Variants in SPHK2 observed in about 807,000 individuals in gnomAD.
The protein encoded by SPHK2 is sphingosine kinase 2.
Under a neutral mutation model 32.3 loss-of-function variants are expected in SPHK2, and 18 were observed. The ratio of observed to expected loss-of-function variants is 0.56; its 90% CI spans 0.39 to 0.83. SPHK2 has a LOEUF of 0.83. Among genes scored for constraint, SPHK2 ranks in the 40% least tolerant of loss-of-function variants. The pLI is 0.00. For missense variants in SPHK2, 850 were observed against 908.7 expected, an observed-to-expected ratio of 0.94 and a Z score of 0.83; for synonymous variants, 462 against 417.6, an observed-to-expected ratio of 1.11 and a Z score of -1.30.
chr19:48,623,590 C>T lies in SPHK2; in HGVS notation c.40-2301C>T, dbSNP rs561676668. Among the ~76,000 whole-genome samples the T allele has an allele frequency of 1.6e-4, 24 of 152,326 alleles. No individual in the cohort carries two copies. In the South Asian group the frequency reaches 5.0e-3, roughly 32 times the overall value. ...CTGGGCTTCCAATATTCTCTCCCTC[C>T]CTCACCTTTGACCTAGAGATACTGT... On this transcript the variant is annotated intron_variant, in intron 2 of 6. Coordinates refer to ENST00000245222, the MANE Select transcript of SPHK2 (RefSeq NM_020126.5).
At position 48,629,787 on chromosome 19, in the gene SPHK2, T is replaced by G. The variant is rs760479656; in HGVS notation, c.*14T>G. On this transcript the variant is annotated 3_prime_UTR_variant, in exon 7 of 7. Transcript: ENST00000245222. Reference sequence around the variant, plus strand: ...CGGGAGCCCTGAAACTAAACAAGCTTGGTACCCGCCGGGGGCGGGGCCTAC... The same window carrying G: ...CGGGAGCCCTGAAACTAAACAAGCTGGGTACCCGCCGGGGGCGGGGCCTAC... 3.2e-6 allele frequency: 5 copies of G among 1,546,306 alleles called. No individual in the cohort carries two copies. The highest frequency in any genetic ancestry group is 4.5e-5 in the East Asian group (2 of 44,086).
intron 2 of SPHK2, 37 bp downstream of exon 2, chr19:48,620,590 T>C (rs1351609263): frequency 5.9e-6 from 9 of 1,522,452 alleles, no homozygotes; most frequent in Non-Finnish European, 8.0e-6. Flanking sequence ...CCTCATACTG[T>C]GGAAAGACAA....
rs754224418 is a variant in SPHK2, at chr19:48,628,116, T to G, written c.757-46T>G. The G allele has an allele frequency of 6.9e-6, 11 of 1,593,708 alleles. No homozygotes were observed. The highest frequency in any genetic ancestry group is 6.7e-5 in the South Asian group (6 of 89,226). Reference sequence around the variant, plus strand: ...CCTAGCCCTGGGCCCTGGGGGACTATAGAGACTGCCACCAGGACCCAGGCT... The same window carrying G: ...CCTAGCCCTGGGCCCTGGGGGACTAGAGAGACTGCCACCAGGACCCAGGCT... On this transcript the variant is annotated intron_variant, in intron 5 of 6. Coordinates refer to ENST00000245222, the MANE Select transcript of SPHK2 (RefSeq NM_020126.5). The surrounding 1 kb of genome is among the most constrained non-coding windows in gnomAD (Gnocchi z 5.2).
intron 2 of SPHK2, among the ~76,000 whole-genome samples, chr19:48,622,555 T>G (rs1974447757): frequency 6.6e-6 from 1 of 151,938 alleles, no homozygotes; most frequent in African/African-American, 2.4e-5. Flanking sequence ...AATCTCAGCT[T>G]CTTTGCCCAG....
chr19:48,629,220 T>C lies in SPHK2; in HGVS notation c.1412T>C (p.Leu471Pro). ...GDAPLSPDPLLSSPPGSPKAA... is the reference protein window; with the variant it reads ...GDAPLSPDPLPSSPPGSPKAA... ...GCTCCGCTGTCCCCGGACCCACTGC[T>C]GTCTTCACCTCCTGGCTCTCCCAAG... The change falls in exon 7 of 7, where the codon CTG becomes CCG. Residue 471 changes from leucine (L) to proline (P), a missense_variant. Transcript: ENST00000245222. 6.2e-7 allele frequency: 1 copy of C among 1,613,640 alleles called. No homozygotes were observed. Among genetic ancestry groups the C allele is most frequent in the Non-Finnish European group, 8.5e-7 (1 of 1,179,966 alleles).
Position 48,630,091 on chromosome 19 carries a change from G to C in SPHK2, c.*318G>C, listed in dbSNP as rs569587860. The stretch of plus-strand genomic sequence containing the variant: ...GCTCCTACCCGGCCAGGATGGCTGA[G>C]GGCGGAGTCTATTTTACGCGTCGCC... On this transcript the variant is annotated 3_prime_UTR_variant, in exon 7 of 7. Transcript: ENST00000245222. The surrounding 1 kb of genome is among the most constrained non-coding windows in gnomAD (Gnocchi z 4.9). The C allele has an allele frequency of 8.1e-5, 104 of 1,277,026 alleles. No individual in the cohort carries two copies. In the South Asian group the frequency reaches 2.6e-3, roughly 32 times the overall value. 79.1% of individuals were successfully genotyped at this position (1,277,026 alleles called of 1,614,324 possible).
chr19:48,629,550 T>C lies in SPHK2; in HGVS notation c.1742T>C (p.Leu581Pro). 6.2e-7 allele frequency: 1 copy of C among 1,603,532 alleles called. No individual in the cohort carries two copies. Among genetic ancestry groups the C allele is most frequent in the Non-Finnish European group, 8.5e-7 (1 of 1,175,976 alleles). ...VRSGISRAAL[L>P]RLFLAMERGS... ...AGCGGCATCTCGCGGGCTGCGCTGC[T>C]GCGCCTTTTCTTGGCCATGGAGCGT... Residue 581 changes from leucine (L) to proline (P), a missense_variant, in exon 7 of 7, where the codon CTG becomes CCG. By Grantham distance (98) the Leu-to-Pro change is moderately conservative. Coordinates refer to ENST00000245222, the MANE Select transcript of SPHK2 (RefSeq NM_020126.5).
chr19:48,621,936 G>T (rs1465422566), intron 2 of SPHK2, among the ~76,000 whole-genome samples: 2 of 152,122 alleles, frequency 1.3e-5, no homozygotes, highest in African/African-American at 2.4e-5. Context: ...GCCACAAACA[G>T]AAAAACAGGC....
chr19:48,626,469 T>C, intron 3 of SPHK2, 107 bp downstream of exon 3: 1 of 1,352,646 alleles, frequency 7.4e-7, no homozygotes, highest in Middle Eastern at 2.5e-4. Flanking sequence ...GGGTGATGTA[T>C]CTCTCTGGAT....
rs1166690561 is a variant in SPHK2 at position 48,628,456 on chromosome 19, A to G, written c.872+179A>G. The G allele has an allele frequency of 1.1e-6, 1 of 902,688 alleles. No individual in the cohort carries two copies. The highest frequency in any genetic ancestry group is 1.8e-6 in the Non-Finnish European group (1 of 544,746). The allele number at this position is 902,688 out of a possible 1,614,324, so 55.9% of individuals were successfully genotyped here. A position where few individuals can be genotyped will look rare whatever the true frequency, so the allele number is the denominator to read the frequency against. On this transcript the variant is annotated intron_variant, in intron 6 of 6. Transcript: ENST00000245222. This position sits in a 1 kb window ranked among gnomAD's most constrained non-coding sequence, Gnocchi z 5.2. ...CTTCCCAGCTGTATCCCGAGCGCCC[A>G]GAACTCTGCCTGGCATGGGAGGCAC...
In SPHK2 at chr19:48,625,961, T is replaced by C; in HGVS notation, c.110T>C (p.Met37Thr). Residue 37 changes from methionine (M) to threonine (T), a missense_variant, in exon 3 of 7, where the codon ATG (methionine) becomes ACG (threonine). This residue lies in a region of SPHK2 where 544 missense variants were observed against 640.0 expected (regional missense o/e 0.85). Coordinates refer to ENST00000245222, the MANE Select transcript of SPHK2 (RefSeq NM_020126.5). ...PRSTLVRAKA[M>T]APPPPPLAAS... ...AGCACCCTGGTCAGGGCTAAGGCCATGGCCCCGCCCCCACCGCCACTGGCT... is the reference window on the plus strand; with the variant it reads ...AGCACCCTGGTCAGGGCTAAGGCCACGGCCCCGCCCCCACCGCCACTGGCT... 3 of 1,612,530 alleles carry C rather than the reference T, an allele frequency of 1.9e-6. No homozygotes were observed. Among genetic ancestry groups the C allele is most frequent in the Non-Finnish European group, 2.5e-6 (3 of 1,179,742 alleles).
rs1223395429 is a variant in SPHK2, at chr19:48,629,380, C to T, written c.1572C>T (p.Gly524=). The T allele has an allele frequency of 1.2e-6, 2 of 1,611,708 alleles. No individual in the cohort carries two copies. Among genetic ancestry groups the T allele is most frequent in the African/African-American group, 2.7e-5 (2 of 74,928 alleles). The change falls in exon 7 of 7, where the codon GGC becomes GGT. Residue 524 remains glycine, a synonymous_variant. Coordinates refer to ENST00000245222, the MANE Select transcript of SPHK2 (RefSeq NM_020126.5). The part of the protein sequence containing the change: ...GPPDHLLPPL[G]TPLPPDWVTL... Reference sequence around the variant, plus strand: ...CCGACCACCTGCTGCCTCCGCTGGGCACCCCGCTGCCCCCAGACTGGGTGA... The same window carrying T: ...CCGACCACCTGCTGCCTCCGCTGGGTACCCCGCTGCCCCCAGACTGGGTGA...
intron 2 of SPHK2, among the ~76,000 whole-genome samples, chr19:48,622,125 C>T (rs929206276): frequency 1.3e-5 from 2 of 152,014 alleles, no homozygotes; most frequent in Non-Finnish European, 2.9e-5. Context: ...GGCATGGTGG[C>T]GCGCGCCTGT....
intron 2 of SPHK2, among the ~76,000 whole-genome samples, chr19:48,622,273 TAAA>T (rs796524993): frequency 3.2e-4 from 31 of 97,714 alleles, no homozygotes; most frequent in African/African-American, 1.5e-3. Flanking sequence ...AAAAAAAAAA[TAAA>T]AAAAAATAAA....
At position 48,630,390 on chromosome 19, in the gene SPHK2, C is replaced by G. The variant is rs1032393740; in HGVS notation, c.*617C>G. The G allele has an allele frequency of 4.4e-6, 6 of 1,378,170 alleles. No homozygotes were observed. The Admixed American group carries it at 2.0e-4, about 46-fold the overall frequency. 85.4% of individuals were successfully genotyped at this position (1,378,170 alleles called of 1,614,324 possible). A position where few individuals can be genotyped will look rare whatever the true frequency, so the allele number is the denominator to read the frequency against. ...AAAAGGTCTATGCAATAAAGGCAGT[C>G]GCTTCATTCCTCTCAGACCTTCTGC... On this transcript the variant is annotated 3_prime_UTR_variant, in exon 7 of 7. Coordinates refer to ENST00000245222, the MANE Select transcript of SPHK2 (RefSeq NM_020126.5). The surrounding 1 kb of genome is among the most constrained non-coding windows in gnomAD (Gnocchi z 4.9).
In SPHK2 at chr19:48,625,949, G is replaced by C; in HGVS notation, c.98G>C (p.Arg33Thr). The C allele has an allele frequency of 6.2e-7, 1 of 1,612,394 alleles. No individual in the cohort carries two copies. Among genetic ancestry groups the C allele is most frequent in the African/African-American group, 1.3e-5 (1 of 75,064 alleles). Residue 33 changes from arginine to threonine, a missense_variant, in exon 3 of 7, where the codon AGG becomes ACG. Physicochemically the swap from Arg to Thr is moderately conservative, Grantham distance 71. Transcript: ENST00000245222. ...CACGGGCCTAGGAGCACCCTGGTCA[G>C]GGCTAAGGCCATGGCCCCGCCCCCA... ...WGHGPRSTLV[R>T]AKAMAPPPPP... is the part of the protein sequence containing the mutation.
Position 48,628,951 on chromosome 19 carries a change from C to T in SPHK2, c.1143C>T (p.Ala381=). The T allele has an allele frequency of 1.9e-6, 3 of 1,613,666 alleles. No homozygotes were observed. The highest frequency in any genetic ancestry group is 2.5e-6 in the Non-Finnish European group (3 of 1,180,002). The change falls in exon 7 of 7, where the codon GCC becomes GCT. Residue 381 remains alanine (A), a synonymous_variant. Coordinates refer to ENST00000245222, the MANE Select transcript of SPHK2 (RefSeq NM_020126.5). The surrounding 1 kb of genome is among the most constrained non-coding windows in gnomAD (Gnocchi z 5.2). ...TYRGRLSYLP[A]TVEPASPTPA... is the part of the protein sequence containing the mutation. ...GCGGACGCCTCTCCTACCTCCCCGC[C>T]ACTGTGGAACCTGCCTCGCCCACCC... is the stretch of plus-strand genomic sequence containing the variant.
At position 48,629,522 on chromosome 19, in the gene SPHK2, C is replaced by A. The variant is rs368130655; in HGVS notation, c.1714C>A (p.Arg572Ser). The A allele has an allele frequency of 6.2e-7, 1 of 1,605,768 alleles. No homozygotes were observed. Among genetic ancestry groups the A allele is most frequent in the Admixed American group, 1.7e-5 (1 of 59,322 alleles). ...DDGLVHLCWVRSGISRAALLR... is the reference protein window; with the variant it reads ...DDGLVHLCWVSSGISRAALLR... Reference sequence around the variant, plus strand: ...CGGCCTGGTGCACCTGTGCTGGGTGCGTAGCGGCATCTCGCGGGCTGCGCT... The same window carrying A: ...CGGCCTGGTGCACCTGTGCTGGGTGAGTAGCGGCATCTCGCGGGCTGCGCT... Residue 572 changes from arginine to serine, a missense_variant, in exon 7 of 7, where the codon CGT becomes AGT. By Grantham distance (110) the Arg-to-Ser change is moderately radical. Transcript: ENST00000245222.
chr19:48,627,633 G>A, intron 3 of SPHK2, 59 bp from the exon 4 acceptor site: 4 of 1,515,604 alleles, frequency 2.6e-6, no homozygotes, highest in Non-Finnish European at 3.5e-6. Flanking sequence ...TGAAGGGACT[G>A]TTTCCAAGGT....
Sources: gnomAD v4.1 joint callset for allele counts (sites outside exome capture counted in the v4.1 genomes callset) on GRCh38, gnomAD v4.1.1 for gene constraint, gnomAD v4.1.1 regional missense constraint, Gnocchi (gnomAD v3.1) non-coding constraint, MANE v1.5 for transcripts, NCBI Gene and HGNC (gene_info 2026-07-23, HGNC 2026-07-21) for gene names.